Variants in ASAP1 observed in about 807,000 individuals in gnomAD.
ASAP1 encodes the protein ArfGAP with SH3 domain, ankyrin repeat and PH domain 1, also known as arf-GAP with SH3 domain, ANK repeat and PH domain-containing protein 1.
In ASAP1, 43 loss-of-function variants were observed where a neutral mutation model predicts 145.2. The observed-to-expected ratio is 0.30, with a 90% CI of 0.23 to 0.38. The LOEUF (loss-of-function observed/expected upper bound fraction) is 0.38, where lower values mean the gene tolerates loss of function less well. Among genes scored for constraint, ASAP1 ranks in the 10% least tolerant of loss-of-function variants. ASAP1 has a pLI of 1.00. For missense variants in ASAP1, 1,018 were observed against 1,355.3 expected, an observed-to-expected ratio of 0.75 and a Z score of 3.91; for synonymous variants, 546 against 515.5, an observed-to-expected ratio of 1.06 and a Z score of -0.80.
intron 3 of ASAP1, chr8:130,340,776 T>G (rs1825324399): frequency 5.0e-6 from 2 of 396,970 alleles, no homozygotes; most frequent in Admixed American, 3.3e-5. Context: ...TGCAAAGCTA[T>G]TTTAAGGATA....
intron 1 of ASAP1, among the ~76,000 whole-genome samples, chr8:130,416,936 A>C (rs1490091166): frequency 6.6e-6 from 1 of 152,246 alleles, no homozygotes; most frequent in Non-Finnish European, 1.5e-5. Flanking sequence ...CTATGACCCA[A>C]GTGGGATAAT....
chr8:130,112,520 C>T (rs2097548557), intron 23 of ASAP1, 198 bp from the exon 24 acceptor site: 4 of 533,800 alleles, frequency 7.5e-6, no homozygotes, highest in Middle Eastern at 5.1e-4. Flanking sequence ...ATATCGTTCA[C>T]CACTATGAAT....
chr8:130,336,212 G>A (rs1220064694), intron 3 of ASAP1, among the ~76,000 whole-genome samples: 1 of 152,188 alleles, frequency 6.6e-6, no homozygotes, highest in Non-Finnish European at 1.5e-5. Flanking sequence ...AATGATTCCT[G>A]CTTCGAACTT....
chr8:130,229,413 T>C (rs549353857), intron 4 of ASAP1, among the ~76,000 whole-genome samples: 1 of 152,126 alleles, frequency 6.6e-6, no homozygotes, highest in Non-Finnish European at 1.5e-5. Flanking sequence ...TGATGAGACA[T>C]AAACCATTTA....
At chr8:130,342,207 G>A (rs1030488310) in intron 3 of ASAP1, among the ~76,000 whole-genome samples, 2 of 152,126 alleles carry the variant, frequency 1.3e-5, no homozygotes, top group Admixed American at 1.3e-4. Context: ...AAGGCAAATT[G>A]GCAAGGGTGG....
rs1270819369 is a variant in ASAP1 at position 130,152,728 on chromosome 8, ATACT to A, written c.1080+4_1080+7del. On this transcript the variant is annotated splice_donor_5th_base_variant and intron_variant, in intron 13 of 29. Transcript: ENST00000518721. The stretch of plus-strand genomic sequence containing the variant: ...CATGAGGCAGGGTAAATTAAGAAAC[ATACT>A]TACTGTGGCATGTGAGATGGTCAGA... 1.2e-6 allele frequency: 2 copies of A among 1,603,928 alleles called. No homozygotes were observed. The highest frequency in any genetic ancestry group is 1.7e-4 in the Middle Eastern group (1 of 6,024).
intron 9 of ASAP1, among the ~76,000 whole-genome samples, chr8:130,175,319 C>T (rs1813878222): frequency 6.6e-6 from 1 of 152,192 alleles, no homozygotes; most frequent in Non-Finnish European, 1.5e-5. Flanking sequence ...CTCCCAGGCT[C>T]AAGCGATCCT....
At chr8:130,359,062 T>A (rs1005983479) in intron 2 of ASAP1, among the ~76,000 whole-genome samples, 2 of 152,108 alleles carry the variant, frequency 1.3e-5, no homozygotes, top group Non-Finnish European at 2.9e-5. Flanking sequence ...GGCTTGCAGC[T>A]GCCCGCTCGC....
At chr8:130,136,274 G>A (rs1193785946) in intron 14 of ASAP1, among the ~76,000 whole-genome samples, 2 of 152,132 alleles carry the variant, frequency 1.3e-5, no homozygotes, top group Non-Finnish European at 1.5e-5. Flanking sequence ...GAGGGCACAG[G>A]CTATAACAGG....
intron 9 of ASAP1, among the ~76,000 whole-genome samples, chr8:130,171,373 C>G (rs1043190183): frequency 1.3e-5 from 2 of 152,150 alleles, no homozygotes; most frequent in Admixed American, 1.3e-4. Flanking sequence ...TTCCACATGG[C>G]TAGGGAGACC....
intron 2 of ASAP1, among the ~76,000 whole-genome samples, chr8:130,392,872 G>T (rs982018745): frequency 1.3e-5 from 2 of 152,060 alleles, no homozygotes; most frequent in Non-Finnish European, 1.5e-5. Context: ...TCATTCATGA[G>T]GGATCCGCCT....
intron 11 of ASAP1, among the ~76,000 whole-genome samples, chr8:130,163,772 T>G (rs988516189): frequency 6.6e-6 from 1 of 152,236 alleles, no homozygotes; most frequent in East Asian, 1.9e-4. Flanking sequence ...ACGGAAATTA[T>G]GTATTCAGGA....
At chr8:130,340,970 T>C (rs1418805488) in intron 3 of ASAP1, 1 of 445,986 alleles carries the variant, frequency 2.2e-6, no homozygotes, top group Non-Finnish European at 4.5e-6. Context: ...GTTTTTGTTT[T>C]TGTTTTTGTT....
At chr8:130,237,046 AAAT>A (rs1486491162) in intron 3 of ASAP1, 52 bp from the exon 4 acceptor site, 1 of 1,352,136 alleles carries the variant, frequency 7.4e-7, no homozygotes, top group Non-Finnish European at 1.0e-6. Flanking sequence ...TAAATTAAAA[AAAT>A]AATAAGAAAA....
intron 3 of ASAP1, among the ~76,000 whole-genome samples, chr8:130,306,448 C>CCA (rs1822998389): frequency 1.3e-5 from 2 of 152,178 alleles, no homozygotes; most frequent in South Asian, 4.1e-4. Context: ...TTTTTTAAAG[C>CCA]CACAAAATCA....
intron 23 of ASAP1, 141 bp from the exon 24 acceptor site, chr8:130,112,463 C>G: frequency 1.6e-6 from 1 of 635,888 alleles, no homozygotes; most frequent in African/African-American, 1.8e-5. Context: ...CAATGAGCCT[C>G]ATGATGCTGA....
At chr8:130,309,961 T>C (rs1823231573) in intron 3 of ASAP1, among the ~76,000 whole-genome samples, 1 of 152,054 alleles carries the variant, frequency 6.6e-6, no homozygotes, top group South Asian at 2.1e-4. Context: ...ATTTCAGTAA[T>C]AGCAGACAAT....
rs1324784483 is a variant in ASAP1, at chr8:130,052,726, T to G, written c.*2005A>C. 7.1e-6 allele frequency: 1 copy of G among 139,976 alleles called. No individual in the cohort carries two copies. Among genetic ancestry groups the G allele is most frequent in the Admixed American group, 7.5e-5 (1 of 13,360 alleles). The allele number at this position is 139,976 out of a possible 1,614,324, so 8.7% of individuals were successfully genotyped here. On this transcript the variant is annotated 3_prime_UTR_variant, in exon 30 of 30. Transcript: ENST00000518721. ...AGACATGCAGCTTTTGTGTTTTTTT[T>G]TTGTTTTTGTTTTTTTTTTTTTTTT...
intron 3 of ASAP1, among the ~76,000 whole-genome samples, chr8:130,258,516 A>G (rs1311411997): frequency 6.6e-6 from 1 of 152,168 alleles, no homozygotes; most frequent in East Asian, 1.9e-4. Flanking sequence ...GTTTCATGTA[A>G]GTGTAGTGGA....
Sources: gnomAD v4.1 joint callset for allele counts (sites outside exome capture counted in the v4.1 genomes callset) on GRCh38, gnomAD v4.1.1 for gene constraint, MANE v1.5 for transcripts, NCBI Gene and HGNC (gene_info 2026-07-23, HGNC 2026-07-21) for gene names.